TMEM132B: variants seen among roughly 807,000 people sequenced by gnomAD.
TMEM132B encodes the protein transmembrane protein 132B.
TMEM132B carries 18 observed loss-of-function variants against 90.8 expected under a neutral mutation model. That is an observed-to-expected ratio of 0.20 (90% CI 0.14 to 0.29). TMEM132B has a LOEUF of 0.29. Among genes scored for constraint, TMEM132B ranks in the 10% least tolerant of loss-of-function variants. The pLI is 1.00. For missense variants in TMEM132B, 1,096 were observed against 1,326.8 expected (o/e 0.83, Z 2.70); for synonymous variants, 504 against 523.3 (o/e 0.96, Z 0.50).
chr12:125,208,892 C>T (rs1447143254), intron 1 of TMEM132B, among the ~76,000 whole-genome samples: 1 of 152,208 alleles, frequency 6.6e-6, no homozygotes, highest in Non-Finnish European at 1.5e-5. Flanking sequence ...CCCTCGTGTG[C>T]CCCTTCATGC....
intron 2 of TMEM132B, among the ~76,000 whole-genome samples, chr12:125,356,820 G>C (rs1001752737): frequency 2.0e-5 from 3 of 152,194 alleles, no homozygotes; most frequent in African/African-American, 7.2e-5. Context: ...CCTACCCAGG[G>C]CCTCTGCACC....
Position 125,544,651 on chromosome 12 carries a change from C to T in TMEM132B, c.1293+25026C>T, listed in dbSNP as rs1325643385. The stretch of plus-strand genomic sequence containing the variant: ...ATTCTCTGTATTTCAGACTTTATTC[C>T]ACTCATCTCTATGCCATTTTCTACA... On this transcript the variant is annotated intron_variant, in intron 4 of 8. Transcript: ENST00000682704. Among the ~76,000 whole-genome samples, 4 of 152,182 alleles carry T rather than the reference C, an allele frequency of 2.6e-5. No individual in the cohort carries two copies. The East Asian group carries it at 7.7e-4, about 29-fold the overall frequency.
At chr12:125,329,163 G>T (rs1327840875) in intron 1 of TMEM132B, among the ~76,000 whole-genome samples, 1 of 152,194 alleles carries the variant, frequency 6.6e-6, no homozygotes, top group Non-Finnish European at 1.5e-5. Context: ...AAGTACCAGC[G>T]CTTCCTCCCT....
At chr12:125,606,025 A>C (rs1163340613) in intron 5 of TMEM132B, among the ~76,000 whole-genome samples, 4 of 152,194 alleles carry the variant, frequency 2.6e-5, no homozygotes, top group Non-Finnish European at 5.9e-5. Flanking sequence ...TTGAACATTG[A>C]GGGAGAGATA....
rs188665985 is a variant in TMEM132B, at chr12:125,332,296, G to A, written c.68-17156G>A. On this transcript the variant is annotated intron_variant, in intron 1 of 8. Coordinates refer to ENST00000682704, the MANE Select transcript of TMEM132B (RefSeq NM_001366854.1). ...ATGACTATTATTATTATTATTTTAT[G>A]TATTGGATGCTACTGATAAGCTTGT... is the stretch of plus-strand genomic sequence containing the variant. Among the ~76,000 whole-genome samples, 15 of 152,250 alleles carry A rather than the reference G, an allele frequency of 9.9e-5. No individual in the cohort carries two copies. In the East Asian group the frequency reaches 2.3e-3, roughly 23 times the overall value.
chr12:125,417,565 C>T (rs758052540), intron 3 of TMEM132B, among the ~76,000 whole-genome samples: 4 of 152,164 alleles, frequency 2.6e-5, no homozygotes, highest in Non-Finnish European at 4.4e-5. Flanking sequence ...GTGGCAGACT[C>T]ACTCTTGGTT....
intron 4 of TMEM132B, among the ~76,000 whole-genome samples, chr12:125,554,275 A>T (rs1200329256): frequency 6.6e-6 from 1 of 151,476 alleles, no homozygotes; most frequent in African/African-American, 2.4e-5. Context: ...TACAAAAAAA[A>T]TTAGCCTGGC....
intron 3 of TMEM132B, among the ~76,000 whole-genome samples, chr12:125,476,059 C>T (rs146955259): frequency 6.6e-5 from 10 of 152,018 alleles, no homozygotes; most frequent in East Asian, 3.9e-4. Context: ...TTGGGGAAGC[C>T]GGGTAGCCAA....
chr12:125,214,703 TGA>T (rs1873395134), intron 1 of TMEM132B, among the ~76,000 whole-genome samples: 1 of 152,202 alleles, frequency 6.6e-6, no homozygotes, highest in South Asian at 2.1e-4. Context: ...AAAAAGAAGA[TGA>T]GCTGGATATT....
chr12:125,289,285 T>C (rs1433508591), intron 1 of TMEM132B, among the ~76,000 whole-genome samples: 2 of 152,234 alleles, frequency 1.3e-5, no homozygotes, highest in African/African-American at 2.4e-5. Context: ...TCTTCTCTTC[T>C]TCCTAAAATG....
intron 1 of TMEM132B, among the ~76,000 whole-genome samples, chr12:125,231,035 A>G (rs972903695): frequency 3.3e-5 from 5 of 152,156 alleles, no homozygotes; most frequent in African/African-American, 1.2e-4. Flanking sequence ...GCGATTCTGG[A>G]GGCCAGAATT....
At chr12:125,429,204 CT>C (rs1290390320) in intron 3 of TMEM132B, among the ~76,000 whole-genome samples, 112 of 143,026 alleles carry the variant, frequency 7.8e-4, no homozygotes, top group African/African-American at 8.9e-4. Flanking sequence ...TGTCCTCTTT[CT>C]TTTTTTTTTT....
intron 1 of TMEM132B, among the ~76,000 whole-genome samples, chr12:125,336,735 G>A (rs1876973871): frequency 6.6e-6 from 1 of 152,152 alleles, no homozygotes; most frequent in Non-Finnish European, 1.5e-5. Context: ...ATTTGACACA[G>A]AGGGAAATCG....
intron 5 of TMEM132B, among the ~76,000 whole-genome samples, chr12:125,623,892 C>T (rs2136976160): frequency 6.6e-6 from 1 of 152,308 alleles, no homozygotes; most frequent in African/African-American, 2.4e-5. Context: ...CTTGTCCTCT[C>T]TGGGTTACAT....
intron 1 of TMEM132B, among the ~76,000 whole-genome samples, chr12:125,250,401 T>G (rs1185210386): frequency 6.6e-6 from 1 of 152,256 alleles, no homozygotes; most frequent in African/African-American, 2.4e-5. Context: ...CTTCTCCAGA[T>G]TCTTTGACGC....
At position 125,652,451 on chromosome 12, in the gene TMEM132B, C is replaced by T. The variant is rs369161319; in HGVS notation, c.1925C>T (p.Pro642Leu). The stretch of plus-strand genomic sequence containing the variant: ...TCGCTGACTTTTCAGGTCCTCTCGC[C>T]GTTGTCTGACTCCATCCTGGCTGAG... ...PGITTVQVLS[P>L]LSDSILAEKT... is the part of the protein sequence containing the mutation. Residue 642 changes from proline to leucine, a missense_variant, in exon 8 of 9, where the codon CCG becomes CTG. Coordinates refer to ENST00000682704, the MANE Select transcript of TMEM132B (RefSeq NM_001366854.1). 1 of 1,603,816 alleles carries T rather than the reference C, an allele frequency of 6.2e-7. No individual in the cohort carries two copies. Among genetic ancestry groups the T allele is most frequent in the Non-Finnish European group, 8.5e-7 (1 of 1,174,238 alleles).
At chr12:125,413,614 C>T (rs1260677408) in intron 2 of TMEM132B, among the ~76,000 whole-genome samples, 1 of 152,230 alleles carries the variant, frequency 6.6e-6, no homozygotes, top group Non-Finnish European at 1.5e-5. Context: ...CCTTTTGTGT[C>T]TGGCTTCTTT....
intron 1 of TMEM132B, among the ~76,000 whole-genome samples, chr12:125,235,476 A>G (rs1476908011): frequency 7.3e-5 from 11 of 150,806 alleles, no homozygotes; most frequent in East Asian, 3.9e-4. Flanking sequence ...TGAAATTTAT[A>G]TAACATAAAA....
intron 1 of TMEM132B, among the ~76,000 whole-genome samples, chr12:125,243,105 A>G (rs1874122737): frequency 2.3e-5 from 2 of 86,722 alleles, no homozygotes; most frequent in Non-Finnish European, 5.1e-5. Flanking sequence ...ACATATATAT[A>G]TACACATATA....
Sources: allele counts gnomAD v4.1 joint callset (sites outside exome capture counted in the v4.1 genomes callset), GRCh38; gene constraint gnomAD v4.1.1; transcripts MANE v1.5; gene names NCBI Gene and HGNC (gene_info 2026-07-23, HGNC 2026-07-21).